IQGAP1: variants seen among roughly 807,000 people sequenced by gnomAD.
The protein encoded by IQGAP1 is ras GTPase-activating-like protein IQGAP1.
A neutral mutation model predicts 215.6 loss-of-function variants in IQGAP1; 66 were observed. That is an observed-to-expected ratio of 0.31 (90% confidence interval 0.25 to 0.38). IQGAP1 has a LOEUF of 0.38. IQGAP1 is among the 10% of genes least tolerant of loss of function. IQGAP1 has a pLI of 1.00. For missense variants in IQGAP1, 1,712 were observed against 1,997.1 expected, an observed-to-expected ratio of 0.86 and a Z score of 2.72; for synonymous variants, 772 against 728.7, an observed-to-expected ratio of 1.06 and a Z score of -0.96.
At chr15:90,472,714 G>A in intron 18 of IQGAP1, 126 bp from the exon 19 acceptor site, 2 of 818,932 alleles carry the variant, frequency 2.4e-6, no homozygotes, top group Non-Finnish European at 1.9e-6. Flanking sequence ...CTGTTATGTA[G>A]CTAATGATCT....
chr15:90,430,885 C>A, intron 4 of IQGAP1, among the ~76,000 whole-genome samples: 1 of 147,586 alleles, frequency 6.8e-6, no homozygotes, highest in African/African-American at 2.5e-5. Flanking sequence ...GTATTTTGTG[C>A]AATATATAAA....
intron 2 of IQGAP1, chr15:90,393,860 C>T (rs981519838): frequency 1.3e-5 from 2 of 152,028 alleles, no homozygotes; most frequent in African/African-American, 4.8e-5. Flanking sequence ...CTGACCTGGC[C>T]CGGTGGCTCA....
chr15:90,444,289 A>ATTTTT (rs759649205), intron 9 of IQGAP1, among the ~76,000 whole-genome samples: 8 of 117,458 alleles, frequency 6.8e-5, no homozygotes, highest in East Asian at 6.7e-4. Context: ...GTATATATAT[A>ATTTTT]TTTTTTTTTT....
At chr15:90,405,508 A>G (rs1313187854) in intron 2 of IQGAP1, among the ~76,000 whole-genome samples, 1 of 152,214 alleles carries the variant, frequency 6.6e-6, no homozygotes, top group African/African-American at 2.4e-5. Context: ...AGTTTGAAAA[A>G]CTGTGTGGCT....
intron 2 of IQGAP1, among the ~76,000 whole-genome samples, chr15:90,403,787 C>T (rs1442796154): frequency 6.6e-6 from 1 of 152,178 alleles, no homozygotes. Context: ...GATTGTCCCG[C>T]CTCAGCCTCC....
chr15:90,425,300 A>C (rs1965205301), intron 2 of IQGAP1, among the ~76,000 whole-genome samples: 1 of 152,052 alleles, frequency 6.6e-6, no homozygotes, highest in African/African-American at 2.4e-5. Context: ...ATAGAGTGAG[A>C]CTTTGTCTCA....
At chr15:90,477,630 G>T (rs1965998609) in intron 25 of IQGAP1, 35 bp from the exon 26 acceptor site, 6 of 1,463,252 alleles carry the variant, frequency 4.1e-6, no homozygotes, top group Non-Finnish European at 5.7e-6. Context: ...GATGGGTTTT[G>T]TGACAAGTTT....
rs376354213 is a variant in IQGAP1 at position 90,441,316 on chromosome 15, T to C, written c.650-190T>C. Among the ~76,000 whole-genome samples the C allele has an allele frequency of 3.3e-5, 5 of 152,232 alleles. No individual in the cohort carries two copies. In the East Asian group the frequency reaches 9.6e-4, roughly 29 times the overall value. On this transcript the variant is annotated intron_variant, in intron 7 of 37. Coordinates refer to ENST00000268182, the MANE Select transcript of IQGAP1 (RefSeq NM_003870.4). ...CAGATGGAGCTGTGGCTTTGCATACTGTAAGGAAGAGGCTAGGCTCATAGC... is the reference window on the plus strand; with the variant it reads ...CAGATGGAGCTGTGGCTTTGCATACCGTAAGGAAGAGGCTAGGCTCATAGC...
At chr15:90,434,679 T>C (rs1329176297) in intron 5 of IQGAP1, among the ~76,000 whole-genome samples, 1 of 152,144 alleles carries the variant, frequency 6.6e-6, no homozygotes, top group African/African-American at 2.4e-5. Flanking sequence ...TTCTCTGAAA[T>C]GCTTGGGACC....
intron 9 of IQGAP1, among the ~76,000 whole-genome samples, chr15:90,448,259 G>A (rs1313751524): frequency 6.6e-6 from 1 of 152,198 alleles, no homozygotes; most frequent in Non-Finnish European, 1.5e-5. Flanking sequence ...GGGAATTTAA[G>A]CGTCATGTTG....
intron 4 of IQGAP1, among the ~76,000 whole-genome samples, chr15:90,432,619 A>G (rs759669877): frequency 7.9e-5 from 12 of 152,198 alleles, no homozygotes; most frequent in Admixed American, 5.2e-4. Context: ...TTAAAAAACA[A>G]TAGGGTATAT....
intron 2 of IQGAP1, among the ~76,000 whole-genome samples, chr15:90,418,006 A>G (rs1965077627): frequency 6.6e-6 from 1 of 151,984 alleles, no homozygotes. Flanking sequence ...ATTTTTCACT[A>G]TTGGAAATAG....
chr15:90,460,499 A>G (rs965603302), intron 15 of IQGAP1, among the ~76,000 whole-genome samples: 1 of 152,198 alleles, frequency 6.6e-6, no homozygotes, highest in Non-Finnish European at 1.5e-5. Context: ...GGTCAGGTCA[A>G]ATAAAGACAG....
chr15:90,466,483 T>A, intron 17 of IQGAP1, 47 bp downstream of exon 17: 2 of 1,575,396 alleles, frequency 1.3e-6, no homozygotes, highest in Non-Finnish European at 1.7e-6. Context: ...AACCCTTGAG[T>A]ATATGAGGGG....
chr15:90,460,625 T>G (rs1010811790), intron 15 of IQGAP1, among the ~76,000 whole-genome samples: 5 of 152,116 alleles, frequency 3.3e-5, no homozygotes, highest in African/African-American at 1.2e-4. Flanking sequence ...ACCACAGAAC[T>G]CACTGTTCTT....
chr15:90,411,165 C>G (rs1300059978), intron 2 of IQGAP1, among the ~76,000 whole-genome samples: 1 of 152,234 alleles, frequency 6.6e-6, no homozygotes, highest in Non-Finnish European at 1.5e-5. Flanking sequence ...ATCCTTACCC[C>G]AGGTCTAAGT....
Position 90,388,395 on chromosome 15 carries a change from C to G in IQGAP1, c.54C>G (p.Gly18=). Residue 18 remains glycine, a splice_region_variant and synonymous_variant, in exon 1 of 38, where the codon GGC becomes GGG. Coordinates refer to ENST00000268182, the MANE Select transcript of IQGAP1 (RefSeq NM_003870.4). The part of the protein sequence containing the change: ...DGLGVARPHY[G]SVLDNERLTA... ...TGGGCGTGGCCCGGCCGCACTATGGCTGTGAGTGCGGGGCTCCGCGGCGCG... is the reference window on the plus strand; with the variant it reads ...TGGGCGTGGCCCGGCCGCACTATGGGTGTGAGTGCGGGGCTCCGCGGCGCG... The G allele has an allele frequency of 1.3e-6, 2 of 1,575,702 alleles. No individual in the cohort carries two copies. Among genetic ancestry groups the G allele is most frequent in the Non-Finnish European group, 1.7e-6 (2 of 1,162,560 alleles).
chr15:90,483,092 C>T (rs1335414904), intron 28 of IQGAP1: 1 of 360,574 alleles, frequency 2.8e-6, no homozygotes, highest in East Asian at 5.4e-5. Context: ...GTCATTTTTA[C>T]CTTCTGAATC....
chr15:90,431,819 T>C (rs1286786020), intron 4 of IQGAP1, among the ~76,000 whole-genome samples: 1 of 152,252 alleles, frequency 6.6e-6, no homozygotes, highest in Non-Finnish European at 1.5e-5. Flanking sequence ...TTTTCTAATC[T>C]CTTTATATGG....
Sources: allele counts gnomAD v4.1 joint callset (sites outside exome capture counted in the v4.1 genomes callset), GRCh38; gene constraint gnomAD v4.1.1; transcripts MANE v1.5; gene names NCBI Gene and HGNC (gene_info 2026-07-23, HGNC 2026-07-21).